Variants in ZCCHC14 observed in about 807,000 individuals in gnomAD.
ZCCHC14 encodes zinc finger CCHC domain-containing protein 14.
Under a neutral mutation model 85.0 loss-of-function variants are expected in ZCCHC14, and 16 were observed. That is an observed-to-expected ratio of 0.19 (90% confidence interval 0.13 to 0.29). ZCCHC14 has a LOEUF of 0.29. Ranked by LOEUF, ZCCHC14 falls within the 10% of genes least tolerant of loss-of-function variation. ZCCHC14 has a pLI of 1.00. For missense variants in ZCCHC14, 1,303 were observed against 1,443.5 expected, an observed-to-expected ratio of 0.90 and a Z score of 1.58; for synonymous variants, 775 against 630.7, an observed-to-expected ratio of 1.23 and a Z score of -3.43.
rs1437516375 is a variant in ZCCHC14, at chr16:87,420,326, TGGAAA to T, written c.950+276_950+280del. Among the ~76,000 whole-genome samples, 1 of 152,214 alleles carries T rather than the reference TGGAAA, an allele frequency of 6.6e-6. No homozygotes were observed. The highest frequency in any genetic ancestry group is 2.4e-5 in the African/African-American group (1 of 41,458). On this transcript the variant is annotated intron_variant, in intron 5 of 12. Transcript: ENST00000671377. This position sits in a 1 kb window ranked among gnomAD's most constrained non-coding sequence, Gnocchi z 5.0. ...ATAGTCTCAACCTTGGACTACAGGATGGAAACAGCAGCCCAGGATTATTTCACAGG... is the reference window on the plus strand; with the variant it reads ...ATAGTCTCAACCTTGGACTACAGGATCAGCAGCCCAGGATTATTTCACAGG...
At chr16:87,489,575 G>C (rs1912658782) in intron 1 of ZCCHC14, among the ~76,000 whole-genome samples, 1 of 152,184 alleles carries the variant, frequency 6.6e-6, no homozygotes. Context: ...TGTGAGGTAG[G>C]TTACATCCCC....
intron 2 of ZCCHC14, among the ~76,000 whole-genome samples, chr16:87,450,723 T>C (rs562663758): frequency 2.6e-5 from 4 of 151,938 alleles, no homozygotes; most frequent in Non-Finnish European, 5.9e-5. Flanking sequence ...TATAGGCATG[T>C]GCCATCTTTT....
rs749012009 is a variant in ZCCHC14, at chr16:87,412,583, G to T, written c.2138C>A (p.Ser713Tyr). The part of the protein sequence containing the change: ...SAPHQPVQVL[S>Y]GLSESSSMSP... The stretch of plus-strand genomic sequence containing the variant: ...CATGGAGCTGCTCTCCGAAAGCCCA[G>T]AGAGGACCTGCACAGGCTGGTGGGG... The change falls in exon 12 of 13, where the codon TCT (serine) becomes TAT (tyrosine). Residue 713 changes from serine (S) to tyrosine (Y), a missense_variant. Physicochemically the swap from Ser to Tyr is moderately radical, Grantham distance 144 (BLOSUM62 -2). This residue lies in a region of ZCCHC14 where 797 missense variants were observed against 730.8 expected (regional missense o/e 1.09). Coordinates refer to ENST00000671377, the MANE Select transcript of ZCCHC14 (RefSeq NM_015144.3). 29 of 1,614,108 alleles carry T rather than the reference G, an allele frequency of 1.8e-5. No individual in the cohort carries two copies. The highest frequency in any genetic ancestry group is 2.4e-5 in the Non-Finnish European group (28 of 1,180,054).
Position 87,451,793 on chromosome 16 carries a change from G to A in ZCCHC14, c.694+8215C>T, listed in dbSNP as rs754571842. 3.2e-4 allele frequency among the ~76,000 whole-genome samples: 48 copies of A among 152,220 alleles called. 1 individual carries two copies. The highest frequency in any genetic ancestry group is 6.3e-3 in the Middle Eastern group (2 of 316). On this transcript the variant is annotated intron_variant, in intron 2 of 12. Transcript: ENST00000671377. ...GGAGCTGATACAGGGAAGGAAGAAG[G>A]TCACACAGAGGCAGCAGCTCCCTGG...
At chr16:87,483,338 A>G (rs1912373287) in intron 1 of ZCCHC14, among the ~76,000 whole-genome samples, 1 of 99,782 alleles carries the variant, frequency 1.0e-5, no homozygotes, top group African/African-American at 3.6e-5. Flanking sequence ...AAAAAAAAAA[A>G]AAATTAGCCA....
Position 87,419,831 on chromosome 16 carries a change from T to G in ZCCHC14, c.997A>C (p.Arg333=), listed in dbSNP as rs974493960. 1.2e-6 allele frequency: 2 copies of G among 1,613,074 alleles called. No individual in the cohort carries two copies. The highest frequency in any genetic ancestry group is 1.7e-6 in the Non-Finnish European group (2 of 1,179,588). ...GGAGAGGAAGTGCTGAGAAACCTCCTGACATGGTCATTTTTCAACACGTGA... is the reference window on the plus strand; with the variant it reads ...GGAGAGGAAGTGCTGAGAAACCTCCGGACATGGTCATTTTTCAACACGTGA... ...PSHVLKNDHV[R]RFLSTSSPPQ... The change falls in exon 6 of 13, where the codon AGG becomes CGG. Residue 333 remains arginine, a synonymous_variant. Transcript: ENST00000671377.
rs1392602865 is a variant in ZCCHC14, at chr16:87,492,185, C to T, written c.54G>A (p.Ser18=). The T allele has an allele frequency of 1.5e-5, 18 of 1,165,278 alleles. No homozygotes were observed. The highest frequency in any genetic ancestry group is 1.9e-5 in the Non-Finnish European group (18 of 943,740). 72.2% of individuals were successfully genotyped at this position (1,165,278 alleles called of 1,614,324 possible). A position where few individuals can be genotyped will look rare whatever the true frequency, so the allele number is the denominator to read the frequency against. Residue 18 remains serine, a synonymous_variant, in exon 1 of 13, where the codon TCG becomes TCA. Transcript: ENST00000671377. This position sits in a 1 kb window ranked among gnomAD's most constrained non-coding sequence, Gnocchi z 6.7. ...CCACGCGCTGCGGCGACGGCAGCTCCGAGAACCAGCGGTACACGCCGTCCC... is the reference window on the plus strand; with the variant it reads ...CCACGCGCTGCGGCGACGGCAGCTCTGAGAACCAGCGGTACACGCCGTCCC... ...LQRDGVYRWF[S]ELPSPQRVEF... is the part of the protein sequence containing the mutation.
chr16:87,463,534 C>T (rs939791988), intron 1 of ZCCHC14, among the ~76,000 whole-genome samples: 5 of 152,084 alleles, frequency 3.3e-5, no homozygotes, highest in African/African-American at 1.2e-4. Context: ...GAGACGGAGT[C>T]TCAGCTGGGC....
At chr16:87,482,134 A>T (rs1341984635) in intron 1 of ZCCHC14, among the ~76,000 whole-genome samples, 3 of 152,152 alleles carry the variant, frequency 2.0e-5, no homozygotes, top group Admixed American at 6.5e-5. Context: ...TAAGACGCAA[A>T]CTTTGGGGGA....
intron 12 of ZCCHC14, 94 bp downstream of exon 12, chr16:87,411,422 T>C (rs1467471116): frequency 3.2e-6 from 5 of 1,543,166 alleles, no homozygotes; most frequent in Non-Finnish European, 1.7e-6. Context: ...TTATTTGCTT[T>C]ACAAAGAAAG....
At chr16:87,477,649 T>C (rs1248157473) in intron 1 of ZCCHC14, among the ~76,000 whole-genome samples, 2 of 152,218 alleles carry the variant, frequency 1.3e-5, no homozygotes, top group African/African-American at 4.8e-5. Flanking sequence ...GTTTTCTTAT[T>C]GCTAAAATGG....
chr16:87,411,573 C>T lies in ZCCHC14; in HGVS notation c.3148G>A (p.Ala1050Thr). 6.2e-7 allele frequency: 1 copy of T among 1,613,678 alleles called. No homozygotes were observed. The highest frequency in any genetic ancestry group is 8.5e-7 in the Non-Finnish European group (1 of 1,180,032). ...SGNLSCYNCG[A>T]TGHRAQDCKQ... is the part of the protein sequence containing the mutation. The stretch of plus-strand genomic sequence containing the variant: ...CAGTCCTGGGCGCGGTGACCAGTGG[C>T]CCCGCAGTTGTAACAAGATAGGTTC... Residue 1050 changes from alanine to threonine, a missense_variant, in exon 12 of 13, where the codon GCC becomes ACC. Ala to Thr is a moderately conservative substitution (Grantham distance 58). Coordinates refer to ENST00000671377, the MANE Select transcript of ZCCHC14 (RefSeq NM_015144.3).
At chr16:87,484,641 G>C (rs1912432393) in intron 1 of ZCCHC14, among the ~76,000 whole-genome samples, 1 of 152,300 alleles carries the variant, frequency 6.6e-6, no homozygotes, top group African/African-American at 2.4e-5. Flanking sequence ...GCGGGTACCA[G>C]CGCCAGCCAG....
chr16:87,484,682 C>A (rs1377188606), intron 1 of ZCCHC14, among the ~76,000 whole-genome samples: 1 of 152,134 alleles, frequency 6.6e-6, no homozygotes, highest in East Asian at 1.9e-4. Flanking sequence ...GCTAGCTGCT[C>A]AGGGAGGCCT....
At chr16:87,435,092 C>G (rs1291811092) in intron 2 of ZCCHC14, among the ~76,000 whole-genome samples, 3 of 150,748 alleles carry the variant, frequency 2.0e-5, no homozygotes, top group African/African-American at 7.3e-5. Context: ...AGGACTCTGA[C>G]AAGTCCTACA....
intron 1 of ZCCHC14, among the ~76,000 whole-genome samples, chr16:87,475,185 C>T (rs917828751): frequency 1.3e-5 from 2 of 152,166 alleles, no homozygotes; most frequent in African/African-American, 4.8e-5. Flanking sequence ...GGCTCAGGAA[C>T]AGAAAGGCAA....
At position 87,491,319 on chromosome 16, in the gene ZCCHC14, G is replaced by A. The variant is rs1912751184; in HGVS notation, c.570+350C>T. 1.3e-5 allele frequency among the ~76,000 whole-genome samples: 2 copies of A among 152,264 alleles called. No individual in the cohort carries two copies. Among genetic ancestry groups the A allele is most frequent in the Admixed American group, 1.3e-4 (2 of 15,294 alleles). On this transcript the variant is annotated intron_variant, in intron 1 of 12. Coordinates refer to ENST00000671377, the MANE Select transcript of ZCCHC14 (RefSeq NM_015144.3). The surrounding 1 kb of genome is among the most constrained non-coding windows in gnomAD (Gnocchi z 5.9). ...AGAGGGGACTGAGGGTGTGGGCTCA[G>A]GGCCGCGGTGCGGTCTTGGGGCTTA... is the stretch of plus-strand genomic sequence containing the variant.
intron 2 of ZCCHC14, among the ~76,000 whole-genome samples, chr16:87,441,688 T>C (rs1910192794): frequency 6.6e-6 from 1 of 152,238 alleles, no homozygotes; most frequent in East Asian, 1.9e-4. Context: ...AACTCTGAGA[T>C]TAAAAATAAT....
In ZCCHC14 at chr16:87,417,401, G is replaced by A; in HGVS notation, c.1383+59C>T. ...TTGGTTTGGAAACTCAATGCCCCCAGGGAGGTCTTGAGTAAACAATCTAGC... is the reference window on the plus strand; with the variant it reads ...TTGGTTTGGAAACTCAATGCCCCCAAGGAGGTCTTGAGTAAACAATCTAGC... On this transcript the variant is annotated intron_variant, in intron 8 of 12. Transcript: ENST00000671377. The A allele has an allele frequency of 2.5e-6, 4 of 1,579,610 alleles. No individual in the cohort carries two copies. The South Asian group carries it at 3.5e-5, about 14-fold the overall frequency.
Sources: allele counts gnomAD v4.1 joint callset (sites outside exome capture counted in the v4.1 genomes callset), GRCh38; gene constraint gnomAD v4.1.1; regional missense constraint gnomAD v4.1.1; non-coding constraint Gnocchi (gnomAD v3.1); transcripts MANE v1.5; gene names NCBI Gene and HGNC (gene_info 2026-07-23, HGNC 2026-07-21).